The following IDUA variants were observed in gnomAD, a reference collection of about 807,000 sequenced individuals.
IDUA encodes the protein alpha-L-iduronidase.
In IDUA, 65 loss-of-function variants were observed where a neutral mutation model predicts 68.9. The ratio of observed to expected loss-of-function variants is 0.94; its 90% CI spans 0.77 to 1.16. The LOEUF (loss-of-function observed/expected upper bound fraction) is 1.16. Ranked by LOEUF, IDUA falls within the 50% of genes most tolerant of loss-of-function variation. The pLI is 0.00. For synonymous variants in IDUA, 529 were observed against 433.6 expected, an observed-to-expected ratio of 1.22 and a Z score of -2.73; for missense variants, 1,046 against 938.0, an observed-to-expected ratio of 1.12 and a Z score of -1.50.
At position 991,187 on chromosome 4, in the gene IDUA, G is replaced by A. The variant is rs371815691; in HGVS notation, c.299+3238G>A. 6.3e-6 allele frequency: 10 copies of A among 1,590,428 alleles called. No homozygotes were observed. The highest frequency in any genetic ancestry group is 2.7e-5 in the African/African-American group (2 of 74,614). ...GCGACACGGATGGCGTAGCAGTCACGCCCGCAGTCCAGCATGGCAGCCGAG... is the reference window on the plus strand; with the variant it reads ...GCGACACGGATGGCGTAGCAGTCACACCCGCAGTCCAGCATGGCAGCCGAG... On this transcript the variant is annotated intron_variant, in intron 2 of 13. Coordinates refer to ENST00000514224, the MANE Select transcript of IDUA (RefSeq NM_000203.5).
At chr4:1,000,570 G>C in intron 2 of IDUA, 42 bp from the exon 3 acceptor site, 2 of 1,480,788 alleles carry the variant, frequency 1.4e-6, no homozygotes, top group Non-Finnish European at 9.4e-7. Context: ...GCATGGAGCT[G>C]TGTGGGCACC....
At chr4:1,003,826 GA>G (rs1415734294) in intron 12 of IDUA, 185 bp from the exon 13 acceptor site, 18 of 779,818 alleles carry the variant, frequency 2.3e-5, no homozygotes, top group Non-Finnish European at 3.5e-5. Context: ...TCTCCTAGGG[GA>G]CATGAGATGG....
At chr4:1,000,255 G>T (rs1396210203) in intron 2 of IDUA, among the ~76,000 whole-genome samples, 1 of 152,234 alleles carries the variant, frequency 6.6e-6, no homozygotes. Flanking sequence ...TCCAGGAGGT[G>T]CAGAGAACCA....
intron 1 of IDUA, chr4:987,566 C>G: frequency 7.6e-7 from 1 of 1,322,654 alleles, no homozygotes; most frequent in Non-Finnish European, 1.0e-6. Flanking sequence ...GCTGAGGTAC[C>G]CGCCTTCCTG....
Position 1,003,086 on chromosome 4 carries a change from G to T in IDUA, c.1453G>T (p.Gly485Cys). ...GGACAACGGGCTCTGCAGCCCCGAC[G>T]GCGAGTGGCGGCGCCTGGGCCGGCC... The part of the protein sequence containing the change: ...YLDNGLCSPD[G>C]EWRRLGRPVF... The change falls in exon 10 of 14, where the codon GGC becomes TGC. Residue 485 changes from glycine (G) to cysteine (C), a missense_variant. By Grantham distance (159) the Gly-to-Cys change is radical. Transcript: ENST00000514224. 6.6e-7 allele frequency: 1 copy of T among 1,520,714 alleles called. No homozygotes were observed. The highest frequency in any genetic ancestry group is 1.7e-4 in the Middle Eastern group (1 of 5,798). The allele number at this position is 1,520,714 out of a possible 1,614,324, so 94.2% of individuals were successfully genotyped here.
chr4:1,001,281 C>T, intron 4 of IDUA, 187 bp from the exon 5 acceptor site: 1 of 627,828 alleles, frequency 1.6e-6, no homozygotes. Context: ...CCCCTATCAC[C>T]CAGGCCGCCG....
chr4:990,543 T>G (rs1714206159), intron 2 of IDUA: 2 of 624,466 alleles, frequency 3.2e-6, no homozygotes, highest in Non-Finnish European at 5.6e-6. Flanking sequence ...CCACGCGTGC[T>G]CATGCCCGCA....
chr4:1,002,870 GCGA>G lies in IDUA; in HGVS notation c.1333_1335del (p.Asp445del), dbSNP rs1715188461. 1 of 1,444,914 alleles carries G rather than the reference GCGA, an allele frequency of 6.9e-7. No individual in the cohort carries two copies. The highest frequency in any genetic ancestry group is 9.1e-7 in the Non-Finnish European group (1 of 1,104,848). The allele number at this position is 1,444,914 out of a possible 1,614,324, so 89.5% of individuals were successfully genotyped here. On this transcript the variant is annotated inframe_deletion, in exon 9 of 14. Transcript: ENST00000514224. ...CGCGCCGCGGTGCTGATCTACGCGA[GCGA>G]CGACACCCGCGCCCACCCCAACCGC... is the stretch of plus-strand genomic sequence containing the variant.
At chr4:1,003,707 CG>C (rs1715269476) in intron 12 of IDUA, 82 bp downstream of exon 12, 2 of 1,489,858 alleles carry the variant, frequency 1.3e-6, no homozygotes, top group African/African-American at 1.4e-5. Context: ...TGCGGTCACT[CG>C]GGCCACTTGC....
intron 8 of IDUA, 68 bp downstream of exon 8, chr4:1,002,553 C>T: frequency 7.4e-7 from 1 of 1,359,318 alleles, no homozygotes; most frequent in Non-Finnish European, 9.6e-7. Context: ...CTGCGAAGGC[C>T]CCGCTGCGGG....
At chr4:990,238 A>G in intron 2 of IDUA, 5 of 1,580,188 alleles carry the variant, frequency 3.2e-6, no homozygotes, top group Non-Finnish European at 4.3e-6. Context: ...CGGGATCCGC[A>G]CGCCCAGCAG....
chr4:1,003,304 A>G (rs1213596349), intron 10 of IDUA, 41 bp from the exon 11 acceptor site: 1 of 1,404,124 alleles, frequency 7.1e-7, no homozygotes, highest in Non-Finnish European at 9.2e-7. Flanking sequence ...GAGCGTCCCC[A>G]GCTCCCCTGG....
At chr4:988,337 G>T in intron 2 of IDUA, 2 of 1,093,150 alleles carry the variant, frequency 1.8e-6, no homozygotes, top group Non-Finnish European at 1.1e-6. Flanking sequence ...CACCCTGTGA[G>T]GGGGAGGCAC....
rs1715236417 is a variant in IDUA at position 1,003,359 on chromosome 4, G to A, written c.1539G>A (p.Ala513=). The change falls in exon 11 of 14, where the codon GCG becomes GCA. Residue 513 remains alanine, a synonymous_variant. Transcript: ENST00000514224. The stretch of plus-strand genomic sequence containing the variant: ...ACTGCGCCCAGGACCCGGTGGCCGC[G>A]GCGCCCCGCCCCTTACCCGCCGGCG... ...RMRAAEDPVA[A]APRPLPAGGR... The A allele has an allele frequency of 6.9e-7, 1 of 1,457,538 alleles. No individual in the cohort carries two copies. The highest frequency in any genetic ancestry group is 9.0e-7 in the Non-Finnish European group (1 of 1,114,680). 90.3% of individuals were successfully genotyped at this position (1,457,538 alleles called of 1,614,324 possible). A position where few individuals can be genotyped will look rare whatever the true frequency, so the allele number is the denominator to read the frequency against.
chr4:1,001,840 G>T lies in IDUA; in HGVS notation c.751G>T (p.Glu251Ter). ...CGACGGTACCAACTTCTTCACTGGGGAGGCGGGCGTGCGGCTGGACTACAT... is the reference window on the plus strand; with the variant it reads ...CGACGGTACCAACTTCTTCACTGGGTAGGCGGGCGTGCGGCTGGACTACAT... Reference protein sequence around the residue: ...CHDGTNFFTGEAGVRLDYISL... With the variant: ...CHDGTNFFTG The change falls in exon 6 of 14, where the codon GAG becomes TAG. Residue 251 changes from glutamate to a stop codon, truncating the protein, a stop_gained. Transcript: ENST00000514224. LOFTEE classifies it high-confidence loss of function. 1 of 1,601,904 alleles carries T rather than the reference G, an allele frequency of 6.2e-7. No homozygotes were observed. The highest frequency in any genetic ancestry group is 8.5e-7 in the Non-Finnish European group (1 of 1,175,846).
At chr4:996,168 G>A (rs973416434) in intron 2 of IDUA, among the ~76,000 whole-genome samples, 9 of 152,250 alleles carry the variant, frequency 5.9e-5, no homozygotes, top group Non-Finnish European at 1.2e-4. Context: ...TCCCTGGGAA[G>A]CAGCTGTTTG....
At position 1,002,946 on chromosome 4, in the gene IDUA, T is replaced by G. The variant is rs1553917428; in HGVS notation, c.1402+2T>G. The G allele has an allele frequency of 2.2e-6, 3 of 1,360,382 alleles. No individual in the cohort carries two copies. The highest frequency in any genetic ancestry group is 2.8e-6 in the Non-Finnish European group (3 of 1,064,228). 84.3% of individuals were successfully genotyped at this position (1,360,382 alleles called of 1,614,324 possible). A position where few individuals can be genotyped will look rare whatever the true frequency, so the allele number is the denominator to read the frequency against. On this transcript the variant is annotated splice_donor_variant, in intron 9 of 13. Transcript: ENST00000514224. LOFTEE classifies it high-confidence loss of function. Reference sequence around the variant, plus strand: ...TGCGCGGGGTGCCCCCCGGCCCGGGTAAGCCGGGGTTCCAGGGAGGTCTCT... The same window carrying G: ...TGCGCGGGGTGCCCCCCGGCCCGGGGAAGCCGGGGTTCCAGGGAGGTCTCT...
intron 2 of IDUA, among the ~76,000 whole-genome samples, chr4:997,659 C>T (rs1054295174): frequency 5.3e-5 from 8 of 152,302 alleles, no homozygotes; most frequent in Non-Finnish European, 1.2e-4. Flanking sequence ...TCTGCGTCTC[C>T]GGCCCTGGGG....
chr4:992,010 G>A (rs573589426), intron 2 of IDUA: 62 of 642,956 alleles, frequency 9.6e-5, no homozygotes, highest in Non-Finnish European at 1.5e-4. Flanking sequence ...GAGGGGCGGC[G>A]TGGCGGCACC....
Sources: allele counts gnomAD v4.1 joint callset (sites outside exome capture counted in the v4.1 genomes callset), GRCh38; gene constraint gnomAD v4.1.1; transcripts MANE v1.5; gene names NCBI Gene and HGNC (gene_info 2026-07-23, HGNC 2026-07-21).